The following DAG1 variants were observed in gnomAD, a reference collection of about 807,000 sequenced individuals.
DAG1 encodes the protein dystroglycan 1.
In DAG1, 8 loss-of-function variants were observed where a neutral mutation model predicts 46.1. That is an observed-to-expected ratio of 0.17 (90% CI 0.10 to 0.31). The LOEUF is 0.31. Ranked by LOEUF, DAG1 falls within the 10% of genes least tolerant of loss-of-function variation. DAG1 has a pLI of 1.00. For missense variants in DAG1, 1,003 were observed against 1,189.9 expected (o/e 0.84, Z 2.31); for synonymous variants, 495 against 481.8 (o/e 1.03, Z -0.36).
intron 2 of DAG1, among the ~76,000 whole-genome samples, chr3:49,520,718 C>T (rs1274731376): frequency 6.6e-6 from 1 of 152,164 alleles, no homozygotes; most frequent in Admixed American, 6.5e-5. Context: ...AAAGTTCCCT[C>T]CAAAAGATTT....
At chr3:49,491,512 A>G (rs1473048244) in intron 1 of DAG1, among the ~76,000 whole-genome samples, 1 of 143,848 alleles carries the variant, frequency 7.0e-6, no homozygotes, top group Non-Finnish European at 1.5e-5. Context: ...GAGTCTTGCT[A>G]TGTTGCCCAG....
chr3:49,518,639 A>G (rs1180373945), intron 2 of DAG1, among the ~76,000 whole-genome samples: 1 of 152,178 alleles, frequency 6.6e-6, no homozygotes, highest in Non-Finnish European at 1.5e-5. Context: ...ACACTCCTTC[A>G]TGTTCTGACA....
At chr3:49,489,098 CTTT>C (rs562212219) in intron 1 of DAG1, among the ~76,000 whole-genome samples, 1 of 140,200 alleles carries the variant, frequency 7.1e-6, no homozygotes, top group Non-Finnish European at 1.6e-5. Context: ...TGTGAATTAC[CTTT>C]TTTTTTTTTT....
At position 49,532,603 on chromosome 3, in the gene DAG1, C is replaced by A. The variant is rs549565706; in HGVS notation, c.2092C>A (p.Pro698Thr). ...PRPAFSNALEPDFKATSITVT... is the reference protein window; with the variant it reads ...PRPAFSNALETDFKATSITVT... ...GCCTGCCTTCTCCAACGCCCTAGAG[C>A]CTGACTTTAAGGCCACAAGCATCAC... The change falls in exon 3 of 3, where the codon CCT becomes ACT. Residue 698 changes from proline (P) to threonine (T), a missense_variant. This residue lies in a region of DAG1 where 755 missense variants were observed against 854.1 expected (regional missense o/e 0.88). Transcript: ENST00000308775. The surrounding 1 kb of genome is among the most constrained non-coding windows in gnomAD (Gnocchi z 5.4). The A allele has an allele frequency of 6.2e-7, 1 of 1,612,972 alleles. No individual in the cohort carries two copies. The highest frequency in any genetic ancestry group is 1.1e-5 in the South Asian group (1 of 91,064).
intron 1 of DAG1, among the ~76,000 whole-genome samples, chr3:49,471,280 C>T (rs545059877): frequency 6.6e-6 from 1 of 152,258 alleles, no homozygotes; most frequent in Non-Finnish European, 1.5e-5. Context: ...TGACTCCTGG[C>T]ATAGAAGCCA....
chr3:49,532,993 C>G lies in DAG1; in HGVS notation c.2482C>G (p.Pro828Ala), dbSNP rs755251035. 2.5e-5 allele frequency: 41 copies of G among 1,614,014 alleles called. No homozygotes were observed. The highest frequency in any genetic ancestry group is 3.1e-5 in the Non-Finnish European group (37 of 1,180,020). Residue 828 changes from proline to alanine, a missense_variant, in exon 3 of 3, where the codon CCT (proline) becomes GCT (alanine). This residue lies in a region of DAG1 where 755 missense variants were observed against 854.1 expected (regional missense o/e 0.88). Coordinates refer to ENST00000308775, the MANE Select transcript of DAG1 (RefSeq NM_004393.6). The surrounding 1 kb of genome is among the most constrained non-coding windows in gnomAD (Gnocchi z 5.4). ...GCAGGAGGAGAAGGCTCCCCTACCCCCTCCTGAGTACCCCAACCAGAGTGT... is the reference window on the plus strand; with the variant it reads ...GCAGGAGGAGAAGGCTCCCCTACCCGCTCCTGAGTACCCCAACCAGAGTGT... Reference protein sequence around the residue: ...ILQEEKAPLPPPEYPNQSVPE... With the variant: ...ILQEEKAPLPAPEYPNQSVPE...
At position 49,532,214 on chromosome 3, in the gene DAG1, G is replaced by A; in HGVS notation, c.1703G>A (p.Ser568Asn). 1 of 1,614,116 alleles carries A rather than the reference G, an allele frequency of 6.2e-7. No homozygotes were observed. Among genetic ancestry groups the A allele is most frequent in the Non-Finnish European group, 8.5e-7 (1 of 1,179,928 alleles). Residue 568 changes from serine (S) to asparagine (N), a missense_variant, in exon 3 of 3, where the codon AGC (serine) becomes AAC (asparagine). By Grantham distance (46) the Ser-to-Asn change is conservative. This residue lies in a region of DAG1 where 755 missense variants were observed against 854.1 expected (regional missense o/e 0.88). Transcript: ENST00000308775. This position sits in a 1 kb window ranked among gnomAD's most constrained non-coding sequence, Gnocchi z 5.4. ...CTCATGTATGGCCTTCCCGACAGCAGCCACGTGGGCAAACACGAGTATTTC... is the reference window on the plus strand; with the variant it reads ...CTCATGTATGGCCTTCCCGACAGCAACCACGTGGGCAAACACGAGTATTTC... Reference protein sequence around the residue: ...SQLMYGLPDSSHVGKHEYFMH... With the variant: ...SQLMYGLPDSNHVGKHEYFMH...
chr3:49,497,689 A>G (rs758138834), intron 1 of DAG1, among the ~76,000 whole-genome samples: 1 of 152,182 alleles, frequency 6.6e-6, no homozygotes, highest in Non-Finnish European at 1.5e-5. Flanking sequence ...AACCATCTTC[A>G]AAGTCAAGTA....
At chr3:49,516,112 C>T (rs1421874077) in intron 2 of DAG1, among the ~76,000 whole-genome samples, 1 of 152,184 alleles carries the variant, frequency 6.6e-6, no homozygotes, top group Non-Finnish European at 1.5e-5. Context: ...CTTTCAGGCT[C>T]AACTTGGACA....
chr3:49,483,607 C>G (rs916935094), intron 1 of DAG1, among the ~76,000 whole-genome samples: 1 of 152,124 alleles, frequency 6.6e-6, no homozygotes, highest in Non-Finnish European at 1.5e-5. Context: ...TGAGCAGGGA[C>G]TGGATTCTAA....
chr3:49,532,482 G>A lies in DAG1; in HGVS notation c.1971G>A (p.Val657=). ...ATATCACCCGGGGCTCCATCGTGGT[G>A]GAATGGACCAACAACACACTGCCCT... is the stretch of plus-strand genomic sequence containing the variant. The part of the protein sequence containing the change: ...LQNITRGSIV[V]EWTNNTLPLE... The change falls in exon 3 of 3, where the codon GTG becomes GTA. Residue 657 remains valine (V), a synonymous_variant. Coordinates refer to ENST00000308775, the MANE Select transcript of DAG1 (RefSeq NM_004393.6). This position sits in a 1 kb window ranked among gnomAD's most constrained non-coding sequence, Gnocchi z 5.4. The A allele has an allele frequency of 3.1e-6, 5 of 1,614,204 alleles. No individual in the cohort carries two copies. The highest frequency in any genetic ancestry group is 4.2e-6 in the Non-Finnish European group (5 of 1,180,036).
chr3:49,495,176 G>A (rs1468274583), intron 1 of DAG1, among the ~76,000 whole-genome samples: 1 of 152,164 alleles, frequency 6.6e-6, no homozygotes, highest in African/African-American at 2.4e-5. Context: ...CTGTACCTTT[G>A]TACTGAGTTG....
chr3:49,484,573 C>T (rs1316436134), intron 1 of DAG1, among the ~76,000 whole-genome samples: 5 of 152,110 alleles, frequency 3.3e-5, no homozygotes, highest in Non-Finnish European at 7.4e-5. Flanking sequence ...GGCTCTGCTG[C>T]CCTGAGCTGC....
In DAG1 at chr3:49,531,818, C is replaced by T. The variant is rs143573515; in HGVS notation, c.1307C>T (p.Thr436Met). The T allele has an allele frequency of 1.2e-4, 194 of 1,613,882 alleles. No homozygotes were observed. The highest frequency in any genetic ancestry group is 1.4e-4 in the Non-Finnish European group (168 of 1,180,016). Residue 436 changes from threonine (T) to methionine (M), a missense_variant, in exon 3 of 3, where the codon ACG (threonine) becomes ATG (methionine). Physicochemically the swap from Thr to Met is moderately conservative, Grantham distance 81. Transcript: ENST00000308775. The surrounding 1 kb of genome is among the most constrained non-coding windows in gnomAD (Gnocchi z 7.0). ...CGAGTATCCACACCAAAACCAGCAA[C>T]GCCTTCAACTGACTCCACCACCACC... ...KPRVSTPKPA[T>M]PSTDSTTTTT...
intron 1 of DAG1, among the ~76,000 whole-genome samples, chr3:49,471,457 A>G (rs930925345): frequency 6.6e-6 from 1 of 152,238 alleles, no homozygotes; most frequent in African/African-American, 2.4e-5. Flanking sequence ...CCTGTTCTAA[A>G]AAAGAATTCA....
Position 49,533,227 on chromosome 3 carries a change from T to G in DAG1, c.*28T>G. 6.2e-7 allele frequency: 1 copy of G among 1,606,982 alleles called. No homozygotes were observed. The highest frequency in any genetic ancestry group is 1.1e-5 in the South Asian group (1 of 91,034). ...CGCAAGCGCCTGGGTGGAGGCAGGGTAGGGCAGGGGCCTGGAGACGACATG... is the reference window on the plus strand; with the variant it reads ...CGCAAGCGCCTGGGTGGAGGCAGGGGAGGGCAGGGGCCTGGAGACGACATG... On this transcript the variant is annotated 3_prime_UTR_variant, in exon 3 of 3. Coordinates refer to ENST00000308775, the MANE Select transcript of DAG1 (RefSeq NM_004393.6).
rs141366387 is a variant in DAG1, at chr3:49,494,581, C to T, written c.-116-15838C>T. Among the ~76,000 whole-genome samples the T allele has an allele frequency of 3.8e-3, 574 of 152,084 alleles. 4 individuals carry two copies. Among genetic ancestry groups the T allele is most frequent in the African/African-American group, 0.013 (550 of 41,500 alleles). ...AAATACCAGAAAGCTCAGCATTGAA[C>T]TTCAAAGTGTGAAATCAAGTGATCA... On this transcript the variant is annotated intron_variant, in intron 1 of 2. Transcript: ENST00000308775.
intron 1 of DAG1, chr3:49,487,404 A>G (rs1374288654): frequency 6.6e-6 from 1 of 152,188 alleles, no homozygotes; most frequent in Admixed American, 6.6e-5. Flanking sequence ...ACAGGCAACA[A>G]ACTTAAATTT....
In DAG1 at chr3:49,533,009, A is replaced by G. The variant is rs778035478; in HGVS notation, c.2498A>G (p.Asn833Ser). Residue 833 changes from asparagine (N) to serine (S), a missense_variant, in exon 3 of 3, where the codon AAC becomes AGC. Physicochemically the swap from Asn to Ser is conservative, Grantham distance 46 (BLOSUM62 1). This residue lies in a region of DAG1 where 755 missense variants were observed against 854.1 expected (regional missense o/e 0.88). Coordinates refer to ENST00000308775, the MANE Select transcript of DAG1 (RefSeq NM_004393.6). ...CCCCTACCCCCTCCTGAGTACCCCA[A>G]CCAGAGTGTGCCCGAGACCACTCCT... Reference protein sequence around the residue: ...KAPLPPPEYPNQSVPETTPLN... With the variant: ...KAPLPPPEYPSQSVPETTPLN... 6.2e-7 allele frequency: 1 copy of G among 1,613,822 alleles called. No individual in the cohort carries two copies. Among genetic ancestry groups the G allele is most frequent in the Non-Finnish European group, 8.5e-7 (1 of 1,179,966 alleles).
Sources: allele counts gnomAD v4.1 joint callset (sites outside exome capture counted in the v4.1 genomes callset), GRCh38; gene constraint gnomAD v4.1.1; regional missense constraint gnomAD v4.1.1; non-coding constraint Gnocchi (gnomAD v3.1); transcripts MANE v1.5; gene names NCBI Gene and HGNC (gene_info 2026-07-23, HGNC 2026-07-21).